The following CDH2 variants were observed in gnomAD, a reference collection of about 807,000 sequenced individuals.
CDH2 encodes cadherin 2, also known as cadherin-2.
A neutral mutation model predicts 92.0 loss-of-function variants in CDH2; 17 were observed. The ratio of observed to expected loss-of-function variants is 0.18; its 90% CI spans 0.13 to 0.28. The LOEUF is 0.28. CDH2 is among the 10% of genes least tolerant of loss of function. The pLI is 1.00. For synonymous variants in CDH2, 419 were observed against 415.9 expected (o/e 1.01, Z -0.09); for missense variants, 862 against 1,133.1 (o/e 0.76, Z 3.44).
At chr18:28,005,635 A>T (rs902337234) in intron 6 of CDH2, among the ~76,000 whole-genome samples, 2 of 152,290 alleles carry the variant, frequency 1.3e-5, no homozygotes, top group African/African-American at 4.8e-5. Context: ...AGGTGGGAAA[A>T]ATCAGTATGA....
At chr18:28,155,950 TA>T (rs1287304329) in intron 1 of CDH2, among the ~76,000 whole-genome samples, 1 of 152,192 alleles carries the variant, frequency 6.6e-6, no homozygotes, top group Non-Finnish European at 1.5e-5. Flanking sequence ...CAAAAATGCT[TA>T]AAACGTGCAG....
chr18:28,133,163 C>A (rs2144298111), intron 2 of CDH2, among the ~76,000 whole-genome samples: 1 of 152,260 alleles, frequency 6.6e-6, no homozygotes, highest in South Asian at 2.1e-4. Flanking sequence ...GAGAGGAAAT[C>A]CCACAGGCCA....
intron 7 of CDH2, among the ~76,000 whole-genome samples, chr18:28,000,558 G>A (rs1378283290): frequency 1.3e-5 from 2 of 152,218 alleles, no homozygotes; most frequent in South Asian, 2.1e-4. Context: ...TCAAACCTGG[G>A]GGGAGCAGGG....
At chr18:27,965,332 T>A (rs2011507521) in intron 14 of CDH2, among the ~76,000 whole-genome samples, 1 of 152,236 alleles carries the variant, frequency 6.6e-6, no homozygotes, top group South Asian at 2.1e-4. Context: ...CTCTTAGGTG[T>A]GTGCAATGTG....
In CDH2 at chr18:28,058,392, G is replaced by A. The variant is rs663447; in HGVS notation, c.173-44483C>T. Among the ~76,000 whole-genome samples the A allele has an allele frequency of 5.3e-3, 808 of 152,218 alleles. 7 individuals carry two copies. Among genetic ancestry groups the A allele is most frequent in the African/African-American group, 0.019 (772 of 41,542 alleles). Reference sequence around the variant, plus strand: ...GAGGGACCATAGAGTTCTTCTCCCCGTATATTGCAGTAAAGCTTAGGACCT... The same window carrying A: ...GAGGGACCATAGAGTTCTTCTCCCCATATATTGCAGTAAAGCTTAGGACCT... On this transcript the variant is annotated intron_variant, in intron 2 of 15. Transcript: ENST00000269141.
intron 1 of CDH2, among the ~76,000 whole-genome samples, chr18:28,169,162 G>A (rs962455652): frequency 2.0e-5 from 3 of 152,104 alleles, no homozygotes; most frequent in Non-Finnish European, 4.4e-5. Flanking sequence ...TCTTTAAAGA[G>A]GCAGCAGCAA....
chr18:27,954,130 A>G (rs1909597701), intron 15 of CDH2, among the ~76,000 whole-genome samples: 1 of 152,218 alleles, frequency 6.6e-6, no homozygotes, highest in Non-Finnish European at 1.5e-5. Context: ...AATAAAATAA[A>G]GCAGGTTTCA....
rs184703081 is a variant in CDH2 at position 28,106,276 on chromosome 18, G to A, written c.172+41397C>T. ...TCCTAAAAATACAAAAATTAGCAGG[G>A]CATGGTGGTGTGCACCTGTAGTCCC... On this transcript the variant is annotated intron_variant, in intron 2 of 15. Transcript: ENST00000269141. 1.0e-3 allele frequency among the ~76,000 whole-genome samples: 157 copies of A among 152,276 alleles called. 1 individual carries two copies. Among genetic ancestry groups the A allele is most frequent in the Admixed American group, 2.1e-3 (32 of 15,282 alleles).
intron 1 of CDH2, among the ~76,000 whole-genome samples, chr18:28,173,125 A>C (rs1022124971): frequency 2.0e-5 from 3 of 152,178 alleles, no homozygotes; most frequent in African/African-American, 7.2e-5. Context: ...ATATCTAAAA[A>C]GTATTTCCTT....
intron 15 of CDH2, among the ~76,000 whole-genome samples, chr18:27,963,122 G>A (rs2011450661): frequency 6.6e-6 from 1 of 152,090 alleles, no homozygotes; most frequent in South Asian, 2.1e-4. Context: ...AATATATGAT[G>A]TATGTCATTT....
intron 6 of CDH2, among the ~76,000 whole-genome samples, chr18:27,940,830 A>G (rs1909118329): frequency 2.6e-5 from 4 of 152,182 alleles, no homozygotes; most frequent in Admixed American, 2.0e-4. Context: ...AGAAGTCATA[A>G]TTACAATAAA....
chr18:28,050,191 C>G (rs1479373187), intron 2 of CDH2, among the ~76,000 whole-genome samples: 2 of 152,138 alleles, frequency 1.3e-5, no homozygotes, highest in East Asian at 3.9e-4. Flanking sequence ...TGCAGCATCA[C>G]TGTGGCAAAT....
At chr18:27,956,038 T>G (rs2011238257) in intron 15 of CDH2, among the ~76,000 whole-genome samples, 1 of 152,126 alleles carries the variant, frequency 6.6e-6, no homozygotes, top group African/African-American at 2.4e-5. Context: ...TTTTGGTAAT[T>G]CTAAAAAGAT....
At chr18:27,964,240 T>G (rs973748502) in intron 14 of CDH2, among the ~76,000 whole-genome samples, 5 of 152,172 alleles carry the variant, frequency 3.3e-5, no homozygotes, top group African/African-American at 1.2e-4. Context: ...CCTGTGGGAA[T>G]GTCCTGGAAA....
chr18:28,128,662 G>A (rs1812579347), intron 2 of CDH2, among the ~76,000 whole-genome samples: 3 of 151,780 alleles, frequency 2.0e-5, no homozygotes, highest in Non-Finnish European at 4.4e-5. Context: ...CTCCAGCCTG[G>A]GAAACAGGGC....
intron 2 of CDH2, among the ~76,000 whole-genome samples, chr18:28,132,481 A>G (rs1459300614): frequency 6.6e-6 from 1 of 152,042 alleles, no homozygotes; most frequent in Non-Finnish European, 1.5e-5. Flanking sequence ...AGGGAAAGGG[A>G]AGGAGGTGAG....
At chr18:28,152,720 T>A (rs912140432) in intron 1 of CDH2, among the ~76,000 whole-genome samples, 1 of 152,080 alleles carries the variant, frequency 6.6e-6, no homozygotes, top group Non-Finnish European at 1.5e-5. Context: ...AGGGACAGAT[T>A]TTAAGCACAG....
chr18:28,007,165 A>AAAATATATATATATATATAT (rs1172779200), intron 5 of CDH2, among the ~76,000 whole-genome samples: 4 of 110,460 alleles, frequency 3.6e-5, no homozygotes, highest in African/African-American at 1.3e-4. Flanking sequence ...ATAAAAAAAA[A>AAAATATATATATATATATAT]ATATATATAT....
intron 2 of CDH2, among the ~76,000 whole-genome samples, chr18:28,040,477 T>C (rs2013927429): frequency 6.6e-6 from 1 of 152,154 alleles, no homozygotes; most frequent in Non-Finnish European, 1.5e-5. Flanking sequence ...TAGGTCAGCA[T>C]CCTGATAAAA....
Sources: allele counts gnomAD v4.1 joint callset (sites outside exome capture counted in the v4.1 genomes callset), GRCh38; gene constraint gnomAD v4.1.1; transcripts MANE v1.5; gene names NCBI Gene and HGNC (gene_info 2026-07-23, HGNC 2026-07-21).